MED15: variants seen among roughly 807,000 people sequenced by gnomAD.
MED15 encodes mediator of RNA polymerase II transcription subunit 15.
In MED15, 41 loss-of-function variants were observed where a neutral mutation model predicts 118.7. The ratio of observed to expected loss-of-function variants is 0.35; its 90% CI spans 0.27 to 0.45. The LOEUF (loss-of-function observed/expected upper bound fraction) is 0.45. Among genes scored for constraint, MED15 ranks in the 20% least tolerant of loss-of-function variants. The pLI is 1.00. For missense variants in MED15, 740 were observed against 1,025.5 expected (o/e 0.72, Z 3.80); for synonymous variants, 436 against 413.9 (o/e 1.05, Z -0.65).
chr22:20,561,007 A>C (rs2056218597), intron 5 of MED15, among the ~76,000 whole-genome samples: 1 of 152,212 alleles, frequency 6.6e-6, no homozygotes, highest in Admixed American at 6.5e-5. Flanking sequence ...ACCTACTTTA[A>C]AAAGTAGTAA....
intron 9 of MED15, among the ~76,000 whole-genome samples, chr22:20,580,494 G>A (rs918477993): frequency 6.6e-6 from 1 of 152,102 alleles, no homozygotes; most frequent in African/African-American, 2.4e-5. Context: ...GCAAGGGGAG[G>A]GGCCCTGACC....
At chr22:20,563,491 C>CA (rs1176268542) in intron 5 of MED15, among the ~76,000 whole-genome samples, 3 of 152,164 alleles carry the variant, frequency 2.0e-5, no homozygotes, top group African/African-American at 7.2e-5. Flanking sequence ...ATGGAGGATG[C>CA]TGCAGTGGTT....
chr22:20,569,600 G>T (rs1204843839), intron 8 of MED15, among the ~76,000 whole-genome samples: 5 of 152,066 alleles, frequency 3.3e-5, no homozygotes, highest in Admixed American at 1.3e-4. Context: ...CCTTCATGGT[G>T]CCTGCTACCT....
chr22:20,579,935 T>C (rs1031510994), intron 9 of MED15, among the ~76,000 whole-genome samples: 2 of 152,146 alleles, frequency 1.3e-5, no homozygotes, highest in African/African-American at 4.8e-5. Flanking sequence ...GCCCGACCTC[T>C]CTGGCTGCCT....
intron 5 of MED15, among the ~76,000 whole-genome samples, chr22:20,561,512 C>T (rs547385615): frequency 1.5e-4 from 22 of 149,622 alleles, no homozygotes; most frequent in South Asian, 6.4e-4. Flanking sequence ...GAGTGAGATT[C>T]CATCTCAAAA....
intron 1 of MED15, 163 bp downstream of exon 1, chr22:20,507,909 C>A: frequency 1.4e-6 from 2 of 1,462,818 alleles, no homozygotes; most frequent in Admixed American, 2.7e-5. Flanking sequence ...CTGTCCCCTC[C>A]GTTCCCGACA....
At chr22:20,572,486 C>A (rs2056696453) in intron 8 of MED15, among the ~76,000 whole-genome samples, 1 of 152,210 alleles carries the variant, frequency 6.6e-6, no homozygotes, top group Admixed American at 6.5e-5. Context: ...TAGCCTGGGA[C>A]TGAGTATTCT....
At chr22:20,582,133 G>A (rs1485057673) in intron 9 of MED15, 1 of 210,606 alleles carries the variant, frequency 4.7e-6, no homozygotes, top group Non-Finnish European at 9.5e-6. Context: ...GTAGCCACCA[G>A]GCTTGTCCTT....
intron 2 of MED15, among the ~76,000 whole-genome samples, chr22:20,541,053 C>A (rs761632422): frequency 1.3e-5 from 2 of 151,964 alleles, no homozygotes; most frequent in Non-Finnish European, 2.9e-5. Flanking sequence ...ATGGTGAAAC[C>A]CTGTCTCTAC....
chr22:20,518,051 A>G (rs2054314143), intron 1 of MED15, among the ~76,000 whole-genome samples: 1 of 152,220 alleles, frequency 6.6e-6, no homozygotes, highest in Non-Finnish European at 1.5e-5. Flanking sequence ...GCTGCAGGTG[A>G]TGGGCTCTGT....
chr22:20,523,792 T>G (rs2054541461), intron 1 of MED15: 1 of 985,288 alleles, frequency 1.0e-6, no homozygotes, highest in Non-Finnish European at 1.2e-6. Flanking sequence ...AGGAAGCTCG[T>G]GTATTCTTCT....
chr22:20,557,265 G>A (rs534348108), intron 5 of MED15, among the ~76,000 whole-genome samples: 22 of 152,236 alleles, frequency 1.4e-4, no homozygotes, highest in Non-Finnish European at 2.9e-4. Flanking sequence ...CCTATCCTGT[G>A]TCAGGTTTCC....
intron 2 of MED15, among the ~76,000 whole-genome samples, chr22:20,550,578 A>G (rs2055728212): frequency 6.6e-6 from 1 of 152,254 alleles, no homozygotes; most frequent in South Asian, 2.1e-4. Flanking sequence ...TTGGGTGAGC[A>G]GGGCACGGAG....
chr22:20,577,959 T>G (rs1325507324), intron 9 of MED15, among the ~76,000 whole-genome samples: 1 of 152,140 alleles, frequency 6.6e-6, no homozygotes, highest in African/African-American at 2.4e-5. Flanking sequence ...AGTCTCGCAC[T>G]TGTCCCCCAG....
chr22:20,524,024 G>A (rs550429196), intron 1 of MED15, among the ~76,000 whole-genome samples: 1 of 152,234 alleles, frequency 6.6e-6, no homozygotes, highest in East Asian at 1.9e-4. Context: ...CCTACATGTG[G>A]GTGGAGAGTT....
intron 2 of MED15, among the ~76,000 whole-genome samples, chr22:20,548,222 C>G (rs1016570119): frequency 6.6e-6 from 1 of 151,754 alleles, no homozygotes; most frequent in African/African-American, 2.4e-5. Context: ...AGTGCAGTGG[C>G]GTGATCGCGG....
intron 1 of MED15, among the ~76,000 whole-genome samples, chr22:20,511,988 C>CTTTTTTTTT (rs746240328): frequency 0.014 from 1,256 of 92,112 alleles, 161 homozygotes; most frequent in African/African-American, 0.058. Context: ...ACATTCTAAG[C>CTTTTTTTTT]TTTTTTTTTT....
chr22:20,511,304 G>A (rs2054055086), intron 1 of MED15, among the ~76,000 whole-genome samples: 3 of 151,978 alleles, frequency 2.0e-5, no homozygotes, highest in Admixed American at 2.0e-4. Context: ...GAGTCCAGGA[G>A]TTTGAGACCA....
At chr22:20,550,225 C>T (rs926954819) in intron 2 of MED15, among the ~76,000 whole-genome samples, 5 of 152,266 alleles carry the variant, frequency 3.3e-5, no homozygotes, top group Admixed American at 3.3e-4. Context: ...CCCCTTCACA[C>T]GCACATCAGC....
Sources: gnomAD v4.1 joint callset for allele counts (sites outside exome capture counted in the v4.1 genomes callset) on GRCh38, gnomAD v4.1.1 for gene constraint, MANE v1.5 for transcripts, NCBI Gene and HGNC (gene_info 2026-07-23, HGNC 2026-07-21) for gene names.